Variants in ELF3 observed in about 807,000 individuals in gnomAD.
ELF3 encodes E74 like ETS transcription factor 3, also known as ETS-related transcription factor Elf-3.
ELF3 carries 18 observed loss-of-function variants against 43.9 expected under a neutral mutation model. The observed-to-expected ratio is 0.41, with a 90% CI of 0.28 to 0.61. The LOEUF (loss-of-function observed/expected upper bound fraction) is 0.61, where lower values mean the gene tolerates loss of function less well. ELF3 is among the 20% of genes least tolerant of loss of function. The pLI is 0.30. For synonymous variants in ELF3, 181 were observed against 190.2 expected, an observed-to-expected ratio of 0.95 and a Z score of 0.40; for missense variants, 373 against 487.7, an observed-to-expected ratio of 0.76 and a Z score of 2.21.
rs1189916664 is a variant in ELF3, at chr1:202,017,036, G to A, written c.*1713G>A. 6.6e-6 allele frequency: 1 copy of A among 152,160 alleles called. No individual in the cohort carries two copies. Among genetic ancestry groups the A allele is most frequent in the East Asian group, 1.9e-4 (1 of 5,200 alleles). 9.4% of individuals were successfully genotyped at this position (152,160 alleles called of 1,614,324 possible). A position where few individuals can be genotyped will look rare whatever the true frequency, so the allele number is the denominator to read the frequency against. ...GATGTTACTTAAGAATGCTTTCCAG[G>A]TGGAAAGTTCCTTAAGTTTGAGGCT... On this transcript the variant is annotated 3_prime_UTR_variant, in exon 9 of 9. Transcript: ENST00000367284.
Position 202,012,569 on chromosome 1 carries a change from C to T in ELF3, c.479-71C>T, listed in dbSNP as rs1179165006. On this transcript the variant is annotated intron_variant, in intron 4 of 8. Coordinates refer to ENST00000367284, the MANE Select transcript of ELF3 (RefSeq NM_004433.5). The surrounding 1 kb of genome is among the most constrained non-coding windows in gnomAD (Gnocchi z 4.2). ...AGAAAAATTGCAGCAGGTCATCAGA[C>T]CCATGGGCAGCATCACCTGTCCTGG... 5 of 1,554,306 alleles carry T rather than the reference C, an allele frequency of 3.2e-6. No individual in the cohort carries two copies. Among genetic ancestry groups the T allele is most frequent in the Non-Finnish European group, 4.3e-6 (5 of 1,151,278 alleles).
At position 202,010,795 on chromosome 1, in the gene ELF3, C is replaced by T. The variant is rs1684174780; in HGVS notation, c.-9+89C>T. 1 of 263,834 alleles carries T rather than the reference C, an allele frequency of 3.8e-6. No individual in the cohort carries two copies. Among genetic ancestry groups the T allele is most frequent in the South Asian group, 4.4e-5 (1 of 22,786 alleles). The allele number at this position is 263,834 out of a possible 1,614,324, so 16.3% of individuals were successfully genotyped here. A position where few individuals can be genotyped will look rare whatever the true frequency, so the allele number is the denominator to read the frequency against. ...ATTTGCAGTTCTGAACCTGCACACTCCAGTCTAGGATCTCCGAGCAAGAGC... is the reference window on the plus strand; with the variant it reads ...ATTTGCAGTTCTGAACCTGCACACTTCAGTCTAGGATCTCCGAGCAAGAGC... On this transcript the variant is annotated intron_variant, in intron 1 of 8. Coordinates refer to ENST00000367284, the MANE Select transcript of ELF3 (RefSeq NM_004433.5). This position sits in a 1 kb window ranked among gnomAD's most constrained non-coding sequence, Gnocchi z 4.3.
rs144239428 is a variant in ELF3 at position 202,013,036 on chromosome 1, G to A, written c.688G>A (p.Asp230Asn). Residue 230 changes from aspartate (D) to asparagine (N), a missense_variant and splice_region_variant, in exon 6 of 9, where the codon GAT becomes AAT. Physicochemically the swap from Asp to Asn is conservative, Grantham distance 23. Coordinates refer to ENST00000367284, the MANE Select transcript of ELF3 (RefSeq NM_004433.5). This position sits in a 1 kb window ranked among gnomAD's most constrained non-coding sequence, Gnocchi z 5.7. ...DPTDGKLFPS[D>N]GFRDCKKGDP... ...CACTGATGGCAAGCTCTTCCCCAGC[G>A]GTGAGTCGAGGGAGGTCCCCAAGAG... 14 of 1,612,270 alleles carry A rather than the reference G, an allele frequency of 8.7e-6. No homozygotes were observed. The East Asian group carries it at 2.0e-4, about 23-fold the overall frequency.
chr1:202,013,668 A>C lies in ELF3; in HGVS notation c.806-161A>C. On this transcript the variant is annotated intron_variant, in intron 7 of 8. Transcript: ENST00000367284. This position sits in a 1 kb window ranked among gnomAD's most constrained non-coding sequence, Gnocchi z 5.7. ...GGGTCTTAGGTGGGCTGAGGAGAAAAGCAGTCACTGCAGTACCCGCACAGA... is the reference window on the plus strand; with the variant it reads ...GGGTCTTAGGTGGGCTGAGGAGAAACGCAGTCACTGCAGTACCCGCACAGA... The C allele has an allele frequency of 1.3e-6, 1 of 780,358 alleles. No individual in the cohort carries two copies. The highest frequency in any genetic ancestry group is 2.0e-6 in the Non-Finnish European group (1 of 490,230). 48.3% of individuals were successfully genotyped at this position (780,358 alleles called of 1,614,324 possible).
At position 202,013,659 on chromosome 1, in the gene ELF3, G is replaced by A; in HGVS notation, c.806-170G>A. The A allele has an allele frequency of 1.3e-6, 1 of 747,044 alleles. No individual in the cohort carries two copies. The highest frequency in any genetic ancestry group is 2.2e-6 in the Non-Finnish European group (1 of 460,040). 46.3% of individuals were successfully genotyped at this position (747,044 alleles called of 1,614,324 possible). A position where few individuals can be genotyped will look rare whatever the true frequency, so the allele number is the denominator to read the frequency against. ...GCAGCTGGTGGGTCTTAGGTGGGCT[G>A]AGGAGAAAAGCAGTCACTGCAGTAC... On this transcript the variant is annotated intron_variant, in intron 7 of 8. Transcript: ENST00000367284. This position sits in a 1 kb window ranked among gnomAD's most constrained non-coding sequence, Gnocchi z 5.7.
In ELF3 at chr1:202,011,111, C is replaced by G; in HGVS notation, c.-8-18C>G. 1 of 1,613,254 alleles carries G rather than the reference C, an allele frequency of 6.2e-7. No homozygotes were observed. The highest frequency in any genetic ancestry group is 1.1e-5 in the South Asian group (1 of 90,984). ...CTCGTCCCCTCACCAACCTCATCCT[C>G]TCTCCCCCTACCCACAGGTAGCCTC... On this transcript the variant is annotated intron_variant, in intron 1 of 8. Coordinates refer to ENST00000367284, the MANE Select transcript of ELF3 (RefSeq NM_004433.5).
Position 202,012,730 on chromosome 1 carries a change from C to T in ELF3, c.569C>T (p.Ser190Phe), listed in dbSNP as rs1318324153. ...HPGSCGAGAP[S>F]PGSSDVSTAG... The stretch of plus-strand genomic sequence containing the variant: ...GGCAGCTGTGGCGCAGGAGCCCCCT[C>T]CCCTGGCAGCTCTGACGTCTCCACC... The change falls in exon 5 of 9, where the codon TCC becomes TTC. Residue 190 changes from serine to phenylalanine, a missense_variant. Coordinates refer to ENST00000367284, the MANE Select transcript of ELF3 (RefSeq NM_004433.5). This position sits in a 1 kb window ranked among gnomAD's most constrained non-coding sequence, Gnocchi z 4.2. 6.3e-7 allele frequency: 1 copy of T among 1,591,734 alleles called. No homozygotes were observed. The highest frequency in any genetic ancestry group is 8.5e-7 in the Non-Finnish European group (1 of 1,170,024).
At chr1:202,011,353 G>A (rs1684191692) in intron 2 of ELF3, 54 bp downstream of exon 2, 2 of 1,498,354 alleles carry the variant, frequency 1.3e-6, no homozygotes, top group Non-Finnish European at 1.8e-6. Context: ...ATCCATCTAA[G>A]GGCCTGTTAG....
intron 2 of ELF3, 55 bp downstream of exon 2, chr1:202,011,354 G>A: frequency 6.7e-7 from 1 of 1,497,988 alleles, no homozygotes; most frequent in South Asian, 1.4e-5. Context: ...TCCATCTAAG[G>A]GCCTGTTAGA....
In ELF3 at chr1:202,013,032, C is replaced by A. The variant is rs1684241939; in HGVS notation, c.684C>A (p.Pro228=). 1.2e-6 allele frequency: 2 copies of A among 1,612,838 alleles called. No homozygotes were observed. Among genetic ancestry groups the A allele is most frequent in the Admixed American group, 3.3e-5 (2 of 59,898 alleles). ...ATCCCACTGATGGCAAGCTCTTCCCCAGCGGTGAGTCGAGGGAGGTCCCCA... is the reference window on the plus strand; with the variant it reads ...ATCCCACTGATGGCAAGCTCTTCCCAAGCGGTGAGTCGAGGGAGGTCCCCA... The part of the protein sequence containing the change: ...DLDPTDGKLF[P]SDGFRDCKKG... The change falls in exon 6 of 9, where the codon CCC becomes CCA. Residue 228 remains proline, a synonymous_variant. Coordinates refer to ENST00000367284, the MANE Select transcript of ELF3 (RefSeq NM_004433.5). This position sits in a 1 kb window ranked among gnomAD's most constrained non-coding sequence, Gnocchi z 5.7.
In ELF3 at chr1:202,012,137, G is replaced by T; in HGVS notation, c.344G>T (p.Gly115Val). 6.2e-7 allele frequency: 1 copy of T among 1,613,788 alleles called. No homozygotes were observed. Among genetic ancestry groups the T allele is most frequent in the Non-Finnish European group, 8.5e-7 (1 of 1,180,022 alleles). Residue 115 changes from glycine to valine, a missense_variant, in exon 3 of 9, where the codon GGG becomes GTG. Around this residue, in one of 3 missense-constraint regions of ELF3, gnomAD observed 311 missense variants for 351.2 expected, o/e 0.89. Coordinates refer to ENST00000367284, the MANE Select transcript of ELF3 (RefSeq NM_004433.5). The surrounding 1 kb of genome is among the most constrained non-coding windows in gnomAD (Gnocchi z 4.2). ...CALEELRLVF[G>V]PLGDQLHAQL... ...CTTGAGGAGCTGCGTCTGGTCTTTGGGCCTCTGGGGGACCAACTCCATGCC... is the reference window on the plus strand; with the variant it reads ...CTTGAGGAGCTGCGTCTGGTCTTTGTGCCTCTGGGGGACCAACTCCATGCC...
In ELF3 at chr1:202,012,159, T is replaced by A; in HGVS notation, c.366T>A (p.His122Gln). 1 of 1,613,500 alleles carries A rather than the reference T, an allele frequency of 6.2e-7. No individual in the cohort carries two copies. The highest frequency in any genetic ancestry group is 8.5e-7 in the Non-Finnish European group (1 of 1,179,980). The stretch of plus-strand genomic sequence containing the variant: ...TTGGGCCTCTGGGGGACCAACTCCA[T>A]GCCCAGCTGCGAGACCTCAGTGAGT... The part of the protein sequence containing the change: ...LVFGPLGDQL[H>Q]AQLRDLTSSS... Residue 122 changes from histidine (H) to glutamine (Q), a missense_variant, in exon 3 of 9, where the codon CAT becomes CAA. Physicochemically the swap from His to Gln is conservative, Grantham distance 24 (BLOSUM62 0). Coordinates refer to ENST00000367284, the MANE Select transcript of ELF3 (RefSeq NM_004433.5). This position sits in a 1 kb window ranked among gnomAD's most constrained non-coding sequence, Gnocchi z 4.2.
rs912886055 is a variant in ELF3, at chr1:202,012,591, C to T, written c.479-49C>T. 8.4e-6 allele frequency: 13 copies of T among 1,555,816 alleles called. No individual in the cohort carries two copies. The highest frequency in any genetic ancestry group is 2.4e-5 in the South Asian group (2 of 81,752). The stretch of plus-strand genomic sequence containing the variant: ...AGACCCATGGGCAGCATCACCTGTC[C>T]TGGTCTGGTCCCCTGAGCCCTCTCT... On this transcript the variant is annotated intron_variant, in intron 4 of 8. Transcript: ENST00000367284. The surrounding 1 kb of genome is among the most constrained non-coding windows in gnomAD (Gnocchi z 4.2).
At position 202,012,723 on chromosome 1, in the gene ELF3, G is replaced by C. The variant is rs747179069; in HGVS notation, c.562G>C (p.Ala188Pro). The C allele has an allele frequency of 1.3e-6, 2 of 1,597,698 alleles. No individual in the cohort carries two copies. Among genetic ancestry groups the C allele is most frequent in the Middle Eastern group, 3.3e-4 (2 of 5,992 alleles). Residue 188 changes from alanine (A) to proline (P), a missense_variant, in exon 5 of 9, where the codon GCC (alanine) becomes CCC (proline). Coordinates refer to ENST00000367284, the MANE Select transcript of ELF3 (RefSeq NM_004433.5). This position sits in a 1 kb window ranked among gnomAD's most constrained non-coding sequence, Gnocchi z 4.2. ...CCACCCCGGCAGCTGTGGCGCAGGA[G>C]CCCCCTCCCCTGGCAGCTCTGACGT... ...PYHPGSCGAGAPSPGSSDVST... is the reference protein window; with the variant it reads ...PYHPGSCGAGPPSPGSSDVST...
intron 2 of ELF3, 174 bp downstream of exon 2, chr1:202,011,473 G>T: frequency 1.3e-6 from 1 of 762,978 alleles, no homozygotes; most frequent in South Asian, 2.2e-5. Context: ...CAGGCAGAGG[G>T]AGGTGTCAGA....
In ELF3 at chr1:202,012,825, G is replaced by A. The variant is rs1315587647; in HGVS notation, c.598+66G>A. On this transcript the variant is annotated intron_variant, in intron 5 of 8. Transcript: ENST00000367284. This position sits in a 1 kb window ranked among gnomAD's most constrained non-coding sequence, Gnocchi z 4.2. ...TGTCCCTTGTTCCCTCTGGCTCCCA[G>A]CACCATAACTCAGGCCTTCTGGCAG... 1.2e-5 allele frequency: 19 copies of A among 1,536,242 alleles called. No homozygotes were observed. Among genetic ancestry groups the A allele is most frequent in the African/African-American group, 2.8e-5 (2 of 72,696 alleles).
rs1684294588 is a variant in ELF3 at position 202,015,589 on chromosome 1, C to T, written c.*266C>T. ...CAAGTGTATCTCCTTTTATCTGGTG[C>T]CTCCTCAAACCCAGTCTCAGACACT... On this transcript the variant is annotated 3_prime_UTR_variant, in exon 9 of 9. Coordinates refer to ENST00000367284, the MANE Select transcript of ELF3 (RefSeq NM_004433.5). The T allele has an allele frequency of 4.5e-6, 2 of 447,380 alleles. No individual in the cohort carries two copies. Among genetic ancestry groups the T allele is most frequent in the Non-Finnish European group, 8.3e-6 (2 of 240,942 alleles). The allele number at this position is 447,380 out of a possible 1,614,324, so 27.7% of individuals were successfully genotyped here.
Position 202,011,217 on chromosome 1 carries a change from C to T in ELF3, c.81C>T (p.Ala27=), listed in dbSNP as rs371510676. 1 of 1,613,928 alleles carries T rather than the reference C, an allele frequency of 6.2e-7. No homozygotes were observed. The highest frequency in any genetic ancestry group is 8.5e-7 in the Non-Finnish European group (1 of 1,179,890). Reference sequence around the variant, plus strand: ...ACAGCTCGGAGGACTCCACCCTGGCCTCTGTTCCCCCTGCTGCCACCTTTG... The same window carrying T: ...ACAGCTCGGAGGACTCCACCCTGGCTTCTGTTCCCCCTGCTGCCACCTTTG... ...AMYSSEDSTL[A]SVPPAATFGA... Residue 27 remains alanine (A), a synonymous_variant, in exon 2 of 9, where the codon GCC becomes GCT. Transcript: ENST00000367284.
chr1:202,012,799 G>A lies in ELF3; in HGVS notation c.598+40G>A. ...TGGGCCACAACCTCCCTTCCCCGAA[G>A]TGTCCCTTGTTCCCTCTGGCTCCCA... is the stretch of plus-strand genomic sequence containing the variant. On this transcript the variant is annotated intron_variant, in intron 5 of 8. Transcript: ENST00000367284. The surrounding 1 kb of genome is among the most constrained non-coding windows in gnomAD (Gnocchi z 4.2). The A allele has an allele frequency of 2.6e-6, 4 of 1,537,662 alleles. No individual in the cohort carries two copies. Among genetic ancestry groups the A allele is most frequent in the South Asian group, 2.5e-5 (2 of 79,144 alleles).
Sources: allele counts gnomAD v4.1 joint callset, GRCh38; gene constraint gnomAD v4.1.1; regional missense constraint gnomAD v4.1.1; non-coding constraint Gnocchi (gnomAD v3.1); transcripts MANE v1.5; gene names NCBI Gene and HGNC (gene_info 2026-07-23, HGNC 2026-07-21).